GTF2H2C: variants seen among roughly 807,000 people sequenced by gnomAD.
The protein encoded by GTF2H2C is GTF2H2 family member C.
A neutral mutation model predicts 24.8 loss-of-function variants in GTF2H2C; 5 were observed. The ratio of observed to expected loss-of-function variants is 0.20; its 90% CI spans 0.11 to 0.42. GTF2H2C has a LOEUF of 0.42. GTF2H2C is among the 20% of genes least tolerant of loss of function. GTF2H2C has a pLI of 1.00. For missense variants in GTF2H2C, 45 were observed against 169.8 expected (o/e 0.27, Z 4.08); for synonymous variants, 14 against 52.6 (o/e 0.27, Z 3.18).
chr5:69,564,293 G>A (rs1185361255), intron 2 of GTF2H2C, among the ~76,000 whole-genome samples: 1 of 96,012 alleles, frequency 1.0e-5, no homozygotes, highest in Admixed American at 1.1e-4. Flanking sequence ...ATTAATATGA[G>A]TGCTCTTGTA....
In GTF2H2C at chr5:69,564,162, C is replaced by T. The variant is rs796997546; in HGVS notation, c.-33-938C>T. On this transcript the variant is annotated intron_variant, in intron 2 of 16. Coordinates refer to ENST00000380729, the MANE Select transcript of GTF2H2C (RefSeq NM_001376000.2). Reference sequence around the variant, plus strand: ...ACAGGATTTCATTGTGTTTTTTTTTCGTTGTTTTTTTGGCTGCTAGTATTC... The same window carrying T: ...ACAGGATTTCATTGTGTTTTTTTTTTGTTGTTTTTTTGGCTGCTAGTATTC... 1.0e-3 allele frequency among the ~76,000 whole-genome samples: 140 copies of T among 137,418 alleles called. 6 individuals are homozygous for T. In the South Asian group the frequency reaches 0.034, roughly 33 times the overall value. The allele number at this position is 137,418 out of a possible 152,430, so 90.2% of individuals were successfully genotyped here. A position where few individuals can be genotyped will look rare whatever the true frequency, so the allele number is the denominator to read the frequency against.
intron 9 of GTF2H2C, among the ~76,000 whole-genome samples, chr5:69,573,176 ACACACACG>A (rs1771171246): frequency 6.9e-6 from 1 of 145,592 alleles, no homozygotes; most frequent in African/African-American, 2.5e-5. Context: ...ACACACACAC[ACACACACG>A]TATATATATA....
chr5:69,565,120 A>G lies in GTF2H2C; in HGVS notation c.-13A>G, dbSNP rs1404758833. ...TACAGATTATTGAATAATAAAATAC[A>G]GTTTTGAAAAAAATGGATGAAGAAC... On this transcript the variant is annotated 5_prime_UTR_variant, in exon 3 of 17. Coordinates refer to ENST00000380729, the MANE Select transcript of GTF2H2C (RefSeq NM_001376000.2). 1.0e-5 allele frequency: 6 copies of G among 595,118 alleles called. No homozygotes were observed. The highest frequency in any genetic ancestry group is 3.2e-5 in the Admixed American group (1 of 31,696). 36.9% of individuals were successfully genotyped at this position (595,118 alleles called of 1,614,324 possible).
intron 1 of GTF2H2C, among the ~76,000 whole-genome samples, chr5:69,561,934 G>A (rs3097196): frequency 1.2e-4 from 19 of 152,198 alleles, no homozygotes; most frequent in African/African-American, 4.1e-4. Context: ...TGTGCCCTGC[G>A]AAGAATTTGA....
intron 4 of GTF2H2C, 133 bp from the exon 5 acceptor site, chr5:69,566,456 T>G: frequency 1.4e-6 from 2 of 1,468,932 alleles, no homozygotes; most frequent in Non-Finnish European, 1.8e-6. Flanking sequence ...CCACTAAAAA[T>G]GCACGTTATG....
At chr5:69,565,763 C>T in intron 3 of GTF2H2C, 1 of 289,756 alleles carries the variant, frequency 3.5e-6, no homozygotes, top group South Asian at 3.3e-5. Flanking sequence ...GATATTCACA[C>T]AATAATGAAA....
chr5:69,565,231 T>TC (rs764578728), intron 3 of GTF2H2C, 43 bp downstream of exon 3: 8 of 555,030 alleles, frequency 1.4e-5, no homozygotes, highest in Admixed American at 4.0e-5. Context: ...TTAGACAATG[T>TC]CTTTTTTTTT....
intron 15 of GTF2H2C, among the ~76,000 whole-genome samples, chr5:69,590,116 C>T (rs1269092698): frequency 1.3e-5 from 2 of 150,354 alleles, no homozygotes; most frequent in South Asian, 2.1e-4. Flanking sequence ...AACTCCTGAC[C>T]TGAGGTGATC....
chr5:69,560,222 A>AGTTTCCGGCT lies in GTF2H2C; in HGVS notation c.-312_-311insTTTCCGGCTG, dbSNP rs1770212485. The AGTTTCCGGCT allele has an allele frequency of 6.6e-6, 1 of 152,198 alleles. No individual in the cohort carries two copies. The highest frequency in any genetic ancestry group is 1.5e-5 in the Non-Finnish European group (1 of 68,132). 9.4% of individuals were successfully genotyped at this position (152,198 alleles called of 1,614,324 possible). ...GAGTGTCGGGCTGAGTTTCCGGCTGAGAGTCCTTCTAGCGGCGCCGGTGAG... is the reference window on the plus strand; with the variant it reads ...GAGTGTCGGGCTGAGTTTCCGGCTGAGTTTCCGGCTGAGTCCTTCTAGCGGCGCCGGTGAG... On this transcript the variant is annotated 5_prime_UTR_variant, in exon 1 of 17. Transcript: ENST00000380729.
intron 15 of GTF2H2C, among the ~76,000 whole-genome samples, 182 bp from the exon 16 acceptor site, chr5:69,590,146 A>G (rs1336023170): frequency 6.7e-6 from 1 of 148,374 alleles, no homozygotes; most frequent in Admixed American, 7.0e-5. Context: ...CGGCCTCCCA[A>G]AGTGCTGGGA....
intron 11 of GTF2H2C, 79 bp from the exon 12 acceptor site, chr5:69,579,676 TAC>T: frequency 7.6e-7 from 1 of 1,317,710 alleles, no homozygotes; most frequent in Non-Finnish European, 1.0e-6. Flanking sequence ...TTTCAGATGA[TAC>T]AACTTTTACA....
At chr5:69,573,095 T>A (rs1020025534) in intron 9 of GTF2H2C, among the ~76,000 whole-genome samples, 5 of 145,516 alleles carry the variant, frequency 3.4e-5, no homozygotes, top group African/African-American at 5.0e-5. Flanking sequence ...AAAGCTTATA[T>A]ATATGTTAAA....
At chr5:69,591,616 T>C (rs1359087914) in intron 16 of GTF2H2C, among the ~76,000 whole-genome samples, 1 of 150,450 alleles carries the variant, frequency 6.6e-6, no homozygotes, top group East Asian at 2.0e-4. Context: ...GCTTGTCTTA[T>C]CTGTGTCATT....
intron 9 of GTF2H2C, among the ~76,000 whole-genome samples, chr5:69,573,143 T>TACACACACACACAC (rs754356211): frequency 3.3e-5 from 3 of 92,080 alleles, no homozygotes; most frequent in South Asian, 4.4e-4. Context: ...ATCTATTATA[T>TACACACACACACAC]ATACACACAC....
intron 2 of GTF2H2C, among the ~76,000 whole-genome samples, chr5:69,563,220 T>TG (rs1770502797): frequency 5.4e-5 from 3 of 55,822 alleles, no homozygotes; most frequent in South Asian, 8.5e-4. Flanking sequence ...TTTTTTTTTT[T>TG]TTTTTTTTTT....
intron 2 of GTF2H2C, among the ~76,000 whole-genome samples, chr5:69,563,346 C>T (rs1044993596): frequency 7.3e-5 from 11 of 150,306 alleles, no homozygotes; most frequent in Admixed American, 5.3e-4. Flanking sequence ...TCCCTAGTAG[C>T]TGGGATTACA....
intron 4 of GTF2H2C, 43 bp downstream of exon 4, chr5:69,566,251 C>T: frequency 8.1e-6 from 13 of 1,600,186 alleles, no homozygotes; most frequent in Non-Finnish European, 1.0e-5. Flanking sequence ...AAAATATATT[C>T]ATTTTAAGCC....
At chr5:69,568,305 G>C (rs1270447003) in intron 8 of GTF2H2C, 98 bp downstream of exon 8, 1 of 364,404 alleles carries the variant, frequency 2.7e-6, no homozygotes, top group Non-Finnish European at 5.2e-6. Flanking sequence ...TAACGTGAAG[G>C]GTGGTTCCTC....
chr5:69,561,553 CAGA>C (rs201801283), intron 1 of GTF2H2C, among the ~76,000 whole-genome samples: 5,726 of 29,966 alleles, frequency 0.19, 566 homozygotes, highest in Non-Finnish European at 0.35. Context: ...ACTCTTGTCT[CAGA>C]AAAAAAAGAA....
Sources: allele counts gnomAD v4.1 joint callset (sites outside exome capture counted in the v4.1 genomes callset), GRCh38; gene constraint gnomAD v4.1.1; transcripts MANE v1.5; gene names NCBI Gene and HGNC (gene_info 2026-07-23, HGNC 2026-07-21).